GATAD2B: variants seen among roughly 807,000 people sequenced by gnomAD.
The protein encoded by GATAD2B is GATA zinc finger domain containing 2B, also known as transcriptional repressor p66-beta.
GATAD2B carries 8 observed loss-of-function variants against 64.3 expected under a neutral mutation model. The ratio of observed to expected loss-of-function variants is 0.12; its 90% CI spans 0.07 to 0.22. The LOEUF is 0.22. Among genes scored for constraint, GATAD2B ranks in the 10% least tolerant of loss-of-function variants. The probability of loss-of-function intolerance (pLI) is 1.00; values close to 1 mark genes in which losing one functional copy is unlikely to be tolerated. For synonymous variants in GATAD2B, 281 were observed against 271.3 expected, an observed-to-expected ratio of 1.04 and a Z score of -0.35; for missense variants, 453 against 752.0, an observed-to-expected ratio of 0.60 and a Z score of 4.65.
chr1:153,887,489 A>G (rs958585332), intron 1 of GATAD2B, among the ~76,000 whole-genome samples: 1 of 152,244 alleles, frequency 6.6e-6, no homozygotes, highest in Non-Finnish European at 1.5e-5. Flanking sequence ...TAGGTACACT[A>G]CCTTATAATG....
chr1:153,842,555 C>T (rs1194889114), intron 1 of GATAD2B, among the ~76,000 whole-genome samples: 4 of 152,134 alleles, frequency 2.6e-5, no homozygotes, highest in Admixed American at 2.0e-4. Context: ...TAATATATAG[C>T]ATAGTTTGTA....
At chr1:153,865,914 G>T (rs1676461048) in intron 1 of GATAD2B, among the ~76,000 whole-genome samples, 1 of 151,952 alleles carries the variant, frequency 6.6e-6, no homozygotes, top group Admixed American at 6.6e-5. Flanking sequence ...CTTGAGCCCA[G>T]AAGTTTGAGG....
chr1:153,884,361 T>C (rs923790102), intron 1 of GATAD2B, among the ~76,000 whole-genome samples: 1 of 152,164 alleles, frequency 6.6e-6, no homozygotes, highest in African/African-American at 2.4e-5. Context: ...GAGAATGGCC[T>C]GAACCCGGGA....
At chr1:153,908,786 A>G (rs1475844103) in intron 1 of GATAD2B, among the ~76,000 whole-genome samples, 1 of 141,168 alleles carries the variant, frequency 7.1e-6, no homozygotes, top group East Asian at 1.9e-4. Context: ...TACTTGGAAA[A>G]AAAAAAAAAA....
intron 1 of GATAD2B, among the ~76,000 whole-genome samples, chr1:153,882,784 AC>A (rs920849812): frequency 6.6e-6 from 1 of 152,152 alleles, no homozygotes; most frequent in Non-Finnish European, 1.5e-5. Flanking sequence ...TGCTAGACAT[AC>A]CTAAGCCTGG....
intron 1 of GATAD2B, among the ~76,000 whole-genome samples, chr1:153,830,979 C>T (rs1182398945): frequency 1.3e-5 from 2 of 152,244 alleles, no homozygotes; most frequent in East Asian, 3.9e-4. Flanking sequence ...CTATGTTGCC[C>T]AGGCTGGTCT....
chr1:153,903,045 A>G (rs1310842607), intron 1 of GATAD2B, among the ~76,000 whole-genome samples: 1 of 151,926 alleles, frequency 6.6e-6, no homozygotes, highest in Non-Finnish European at 1.5e-5. Flanking sequence ...GTGAAACCTG[A>G]TCTCTACTAA....
chr1:153,808,313 C>T lies in GATAD2B; in HGVS notation c.*1864G>A, dbSNP rs557812401. The stretch of plus-strand genomic sequence containing the variant: ...GAGGAAAGAAAAAAGCCAGGAAGGC[C>T]CGTAGGGCCAGTATAGTCACCCACA... On this transcript the variant is annotated 3_prime_UTR_variant, in exon 11 of 11. Coordinates refer to ENST00000368655, the MANE Select transcript of GATAD2B (RefSeq NM_020699.4). The T allele has an allele frequency of 6.6e-6, 1 of 152,586 alleles. No homozygotes were observed. Among genetic ancestry groups the T allele is most frequent in the East Asian group, 1.9e-4 (1 of 5,180 alleles). 9.5% of individuals were successfully genotyped at this position (152,586 alleles called of 1,614,324 possible).
chr1:153,871,812 T>C (rs1019251050), intron 1 of GATAD2B, among the ~76,000 whole-genome samples: 2 of 152,054 alleles, frequency 1.3e-5, no homozygotes, highest in Non-Finnish European at 2.9e-5. Flanking sequence ...TAGCAGGGCA[T>C]GGTGGCCCGT....
At chr1:153,896,110 T>G (rs1160237655) in intron 1 of GATAD2B, among the ~76,000 whole-genome samples, 1 of 151,540 alleles carries the variant, frequency 6.6e-6, no homozygotes, top group African/African-American at 2.4e-5. Context: ...TAGTAAGCTA[T>G]GATACAGCCA....
intron 7 of GATAD2B, among the ~76,000 whole-genome samples, chr1:153,815,112 A>AAAAAAAAC (rs1674418574): frequency 1.8e-5 from 2 of 112,524 alleles, no homozygotes; most frequent in African/African-American, 6.6e-5. Flanking sequence ...AAAAAAAAAA[A>AAAAAAAAC]CCAACAAAGA....
chr1:153,828,491 C>CA (rs1491183252), intron 1 of GATAD2B, 143 bp from the exon 2 acceptor site: 1 of 591,362 alleles, frequency 1.7e-6, no homozygotes, highest in South Asian at 2.1e-5. Context: ...CACACACACA[C>CA]AAAGTTCAAA....
intron 1 of GATAD2B, among the ~76,000 whole-genome samples, chr1:153,851,343 A>G (rs753897576): frequency 6.6e-6 from 1 of 152,174 alleles, no homozygotes; most frequent in Non-Finnish European, 1.5e-5. Context: ...TCTATATTTA[A>G]TATGTCAAGG....
At chr1:153,886,125 T>C (rs1196303251) in intron 1 of GATAD2B, among the ~76,000 whole-genome samples, 1 of 152,222 alleles carries the variant, frequency 6.6e-6, no homozygotes, top group Non-Finnish European at 1.5e-5. Context: ...GTCGTTATCT[T>C]TGCCCTTTAC....
intron 1 of GATAD2B, among the ~76,000 whole-genome samples, chr1:153,863,687 G>A (rs59308681): frequency 0.27 from 40,887 of 151,116 alleles, 6,080 homozygotes; most frequent in Admixed American, 0.38. Context: ...GCAGCTGTGC[G>A]ATCTTGGCTC....
chr1:153,891,242 GA>G (rs1480279349), intron 1 of GATAD2B, among the ~76,000 whole-genome samples: 1 of 149,270 alleles, frequency 6.7e-6, no homozygotes, highest in Non-Finnish European at 1.5e-5. Context: ...GGAAAGGAAA[GA>G]AAGAGGTGAA....
chr1:153,850,986 A>T (rs914829518), intron 1 of GATAD2B, among the ~76,000 whole-genome samples: 1 of 151,952 alleles, frequency 6.6e-6, no homozygotes, highest in Non-Finnish European at 1.5e-5. Flanking sequence ...CTACCCTCTT[A>T]ACAAATTTTC....
intron 1 of GATAD2B, among the ~76,000 whole-genome samples, chr1:153,898,321 AAAG>A (rs1256614911): frequency 6.9e-6 from 1 of 143,906 alleles, no homozygotes; most frequent in Admixed American, 6.8e-5. Context: ...AAAAAAAAAA[AAAG>A]AAAAAAAGAA....
At chr1:153,855,363 G>A (rs1051133764) in intron 1 of GATAD2B, among the ~76,000 whole-genome samples, 1 of 151,978 alleles carries the variant, frequency 6.6e-6, no homozygotes, top group African/African-American at 2.4e-5. Flanking sequence ...CGAGTAGCTG[G>A]GATTACAGAC....
Sources: allele counts gnomAD v4.1 joint callset (sites outside exome capture counted in the v4.1 genomes callset), GRCh38; gene constraint gnomAD v4.1.1; transcripts MANE v1.5; gene names NCBI Gene and HGNC (gene_info 2026-07-23, HGNC 2026-07-21).